HTR1E: variants seen among roughly 807,000 people sequenced by gnomAD.
The protein encoded by HTR1E is 5-hydroxytryptamine receptor 1E, also known as 5-HT-1E.
A neutral mutation model predicts 3.4 loss-of-function variants in HTR1E; 3 were observed. The observed-to-expected ratio is 0.89, with a 90% CI of 0.41 to 2.31. The LOEUF is 2.31. Among genes scored for constraint, HTR1E ranks in the 30% most tolerant of loss-of-function variants. HTR1E has a pLI of 0.05. For synonymous variants in HTR1E, 170 were observed against 182.8 expected, an observed-to-expected ratio of 0.93 and a Z score of 0.56; for missense variants, 392 against 467.0, an observed-to-expected ratio of 0.84 and a Z score of 1.48.
intron 1 of HTR1E, among the ~76,000 whole-genome samples, chr6:86,978,851 C>T (rs537173364): frequency 9.2e-5 from 14 of 152,336 alleles, no homozygotes; most frequent in African/African-American, 3.1e-4. Flanking sequence ...TTAAACATGA[C>T]CTCATAATCC....
chr6:86,962,607 G>T (rs1279275622), intron 1 of HTR1E, among the ~76,000 whole-genome samples: 1 of 152,194 alleles, frequency 6.6e-6, no homozygotes, highest in Non-Finnish European at 1.5e-5. Flanking sequence ...GGAGGCTGAG[G>T]TGGGCAGATC....
intron 1 of HTR1E, among the ~76,000 whole-genome samples, chr6:86,968,091 C>T (rs750995177): frequency 3.5e-4 from 54 of 152,202 alleles, no homozygotes; most frequent in Non-Finnish European, 6.5e-4. Flanking sequence ...GTTCACTGTT[C>T]TGCACCCTAT....
chr6:86,958,020 G>A (rs1476366761), intron 1 of HTR1E, among the ~76,000 whole-genome samples: 6 of 150,870 alleles, frequency 4.0e-5, no homozygotes, highest in Non-Finnish European at 5.9e-5. Flanking sequence ...TTAACTGGGC[G>A]TGGGCAGGAG....
intron 1 of HTR1E, among the ~76,000 whole-genome samples, chr6:86,983,075 A>G (rs1264634886): frequency 1.3e-5 from 2 of 152,228 alleles, no homozygotes; most frequent in African/African-American, 2.4e-5. Flanking sequence ...TGTTTTCTAT[A>G]AATAAGCCAG....
chr6:86,961,812 C>T (rs965234050), intron 1 of HTR1E, among the ~76,000 whole-genome samples: 1 of 152,234 alleles, frequency 6.6e-6, no homozygotes, highest in Non-Finnish European at 1.5e-5. Flanking sequence ...TATGAATTCT[C>T]ATGTCAGAAA....
chr6:86,940,875 C>A (rs951578533), intron 1 of HTR1E, among the ~76,000 whole-genome samples: 1 of 152,182 alleles, frequency 6.6e-6, no homozygotes, highest in Admixed American at 6.5e-5. Context: ...ATTATCAAGG[C>A]CATCTCAAGG....
At chr6:87,011,382 A>T (rs1241366979) in intron 1 of HTR1E, among the ~76,000 whole-genome samples, 4 of 152,210 alleles carry the variant, frequency 2.6e-5, no homozygotes, top group African/African-American at 9.6e-5. Context: ...AAATAGAGAA[A>T]GGCAAGTATA....
intron 1 of HTR1E, among the ~76,000 whole-genome samples, chr6:87,002,056 C>A (rs1768031835): frequency 1.3e-5 from 2 of 152,182 alleles, no homozygotes; most frequent in Admixed American, 1.3e-4. Flanking sequence ...GGGGTCAATT[C>A]AGCAAGAGGA....
intron 1 of HTR1E, among the ~76,000 whole-genome samples, chr6:87,005,685 G>GATTTCTTGAGAAAGT: frequency 6.6e-6 from 1 of 152,248 alleles, no homozygotes; most frequent in Non-Finnish European, 1.5e-5. Flanking sequence ...TCTGGACAAA[G>GATTTCTTGAGAAAGT]ATTTCTTGAG....
chr6:86,963,785 G>A (rs1258062290), intron 1 of HTR1E, among the ~76,000 whole-genome samples: 1 of 152,152 alleles, frequency 6.6e-6, no homozygotes. Flanking sequence ...TATGTAGTAG[G>A]CTATACCATC....
intron 1 of HTR1E, chr6:86,970,922 A>C: frequency 6.4e-6 from 2 of 310,458 alleles, no homozygotes; most frequent in African/African-American, 2.2e-5. Flanking sequence ...AATCTACAAC[A>C]GTGGTTATGG....
In HTR1E at chr6:86,955,114, G is replaced by A. The variant is rs150299239; in HGVS notation, c.-186+17291G>A. Among the ~76,000 whole-genome samples the A allele has an allele frequency of 1.0e-3, 156 of 152,278 alleles. 2 individuals are homozygous for A. Among genetic ancestry groups the A allele is most frequent in the Non-Finnish European group, 9.7e-4 (66 of 68,024 alleles). ...AGGCTTCCGTCTCCCTGCCGGTCTT[G>A]TCAGGGCAATCTCTTCACTGGCACC... On this transcript the variant is annotated intron_variant, in intron 1 of 1. Transcript: ENST00000305344.
intron 1 of HTR1E, among the ~76,000 whole-genome samples, chr6:86,967,112 G>A (rs1767482333): frequency 6.6e-6 from 1 of 152,088 alleles, no homozygotes; most frequent in Non-Finnish European, 1.5e-5. Flanking sequence ...CATAGCTAAA[G>A]AGCAAGTGCA....
chr6:86,981,685 A>T (rs1767713610), intron 1 of HTR1E, among the ~76,000 whole-genome samples: 1 of 152,224 alleles, frequency 6.6e-6, no homozygotes. Flanking sequence ...ATAATTAGCT[A>T]CGTATTTAAT....
At chr6:86,983,651 TAGAAG>T (rs1270414200) in intron 1 of HTR1E, among the ~76,000 whole-genome samples, 1 of 152,112 alleles carries the variant, frequency 6.6e-6, no homozygotes, top group Non-Finnish European at 1.5e-5. Flanking sequence ...TCAAAATAGC[TAGAAG>T]AGAAGATTTG....
intron 1 of HTR1E, among the ~76,000 whole-genome samples, chr6:86,944,325 CATT>C (rs1768585520): frequency 6.6e-6 from 1 of 152,200 alleles, no homozygotes; most frequent in African/African-American, 2.4e-5. Flanking sequence ...GGAACCAAAT[CATT>C]GAGAGCCACC....
At chr6:86,962,035 C>T (rs1254976503) in intron 1 of HTR1E, among the ~76,000 whole-genome samples, 1 of 152,134 alleles carries the variant, frequency 6.6e-6, no homozygotes, top group African/African-American at 2.4e-5. Context: ...GTAACAAATG[C>T]ATGAACTTGT....
intron 1 of HTR1E, among the ~76,000 whole-genome samples, chr6:86,968,996 T>G (rs1767512464): frequency 6.6e-6 from 1 of 152,180 alleles, no homozygotes; most frequent in Non-Finnish European, 1.5e-5. Context: ...TTTTAATAGA[T>G]GACTATTAAG....
intron 1 of HTR1E, chr6:86,970,827 T>A: frequency 4.2e-6 from 1 of 240,874 alleles, no homozygotes; most frequent in East Asian, 1.2e-4. Context: ...TTTGTGAAGC[T>A]CAACAAGCCT....
Sources: allele counts gnomAD v4.1 joint callset (sites outside exome capture counted in the v4.1 genomes callset), GRCh38; gene constraint gnomAD v4.1.1; transcripts MANE v1.5; gene names NCBI Gene and HGNC (gene_info 2026-07-23, HGNC 2026-07-21).